Variants in NRL observed in about 807,000 individuals in gnomAD.
NRL encodes neural retina leucine zipper.
Under a neutral mutation model 12.5 loss-of-function variants are expected in NRL, and 16 were observed. The observed-to-expected ratio is 1.28, with a 90% CI of 0.87 to 1.95. NRL has a LOEUF of 1.95. Ranked by LOEUF, NRL falls within the 30% of genes most tolerant of loss-of-function variation. The pLI, the probability that NRL is intolerant of heterozygous loss-of-function variation, is 0.00. For missense variants in NRL, 314 were observed against 325.8 expected, an observed-to-expected ratio of 0.96 and a Z score of 0.28; for synonymous variants, 142 against 150.9, an observed-to-expected ratio of 0.94 and a Z score of 0.43.
rs750958554 is a variant in NRL at position 24,094,094 on chromosome 14, G to C, written c.-27-11219C>G. On this transcript the variant is annotated intron_variant, in intron 1 of 2. Coordinates refer to ENST00000561028, the MANE Select transcript of NRL (RefSeq NM_001354768.3). The surrounding 1 kb of genome is among the most constrained non-coding windows in gnomAD (Gnocchi z 4.1). Reference sequence around the variant, plus strand: ...ATGGGGGGCGGGGCCTCGAAGTCGGGGGCCGAAGAGTGGACCCAGTCCTCC... The same window carrying C: ...ATGGGGGGCGGGGCCTCGAAGTCGGCGGCCGAAGAGTGGACCCAGTCCTCC... 75 of 534,290 alleles carry C rather than the reference G, an allele frequency of 1.4e-4. No homozygotes were observed. The highest frequency in any genetic ancestry group is 1.2e-3 in the African/African-American group (58 of 49,522). The allele number at this position is 534,290 out of a possible 1,614,324, so 33.1% of individuals were successfully genotyped here.
chr14:24,087,108 G>T (rs921040242), intron 1 of NRL, among the ~76,000 whole-genome samples: 1 of 152,220 alleles, frequency 6.6e-6, no homozygotes, highest in Non-Finnish European at 1.5e-5. Flanking sequence ...AGTAGGTGTA[G>T]ATGTGAGATA....
chr14:24,088,299 G>A (rs1400627568), intron 1 of NRL, among the ~76,000 whole-genome samples: 1 of 152,248 alleles, frequency 6.6e-6, no homozygotes, highest in Admixed American at 6.5e-5. Flanking sequence ...TGGGCCACAT[G>A]ACTGGTTCAC....
chr14:24,093,635 C>A (rs1304221101), intron 1 of NRL: 1 of 153,662 alleles, frequency 6.5e-6, no homozygotes, highest in African/African-American at 2.4e-5. Context: ...GCCGAGATCG[C>A]GCCACTGCAC....
intron 1 of NRL, among the ~76,000 whole-genome samples, chr14:24,113,803 G>A (rs1019118643): frequency 1.3e-5 from 2 of 152,248 alleles, no homozygotes; most frequent in Non-Finnish European, 2.9e-5. Flanking sequence ...GAGGGCCCAA[G>A]AAGGCCACGA....
At chr14:24,098,907 A>T in intron 1 of NRL, 2 of 746,618 alleles carry the variant, frequency 2.7e-6, no homozygotes, top group Admixed American at 2.2e-5. Flanking sequence ...GCTGATGGTT[A>T]TTATGAGGTG....
chr14:24,095,234 CACTT>C (rs760990386), intron 1 of NRL: 13 of 455,950 alleles, frequency 2.9e-5, no homozygotes, highest in South Asian at 2.0e-4. Flanking sequence ...GGAAACGTCC[CACTT>C]AGAGGGCTGC....
At position 24,094,453 on chromosome 14, in the gene NRL, G is replaced by A. The variant is rs752030132; in HGVS notation, c.-27-11578C>T. 16 of 1,530,666 alleles carry A rather than the reference G, an allele frequency of 1.0e-5. No homozygotes were observed. Among genetic ancestry groups the A allele is most frequent in the East Asian group, 2.5e-5 (1 of 40,160 alleles). The allele number at this position is 1,530,666 out of a possible 1,614,324, so 94.8% of individuals were successfully genotyped here. On this transcript the variant is annotated intron_variant, in intron 1 of 2. Transcript: ENST00000561028. This position sits in a 1 kb window ranked among gnomAD's most constrained non-coding sequence, Gnocchi z 4.1. ...GCCTGCGGTGAGTGACCCCCGGCCCGGGGCCCACCCGCACCTTCCGCTGCG... is the reference window on the plus strand; with the variant it reads ...GCCTGCGGTGAGTGACCCCCGGCCCAGGGCCCACCCGCACCTTCCGCTGCG...
chr14:24,097,114 AAAGCTCCCC>A (rs766383775), intron 1 of NRL: 1 of 1,613,902 alleles, frequency 6.2e-7, no homozygotes, highest in East Asian at 2.2e-5. Flanking sequence ...GCCTCATCCG[AAAGCTCCCC>A]AAGTACAATA....
intron 1 of NRL, among the ~76,000 whole-genome samples, chr14:24,109,586 TA>T (rs1377020417): frequency 1.3e-5 from 2 of 151,362 alleles, no homozygotes; most frequent in African/African-American, 4.9e-5. Flanking sequence ...TAGTCCCAGG[TA>T]CTCGGGAGGC....
chr14:24,102,693 T>G, intron 1 of NRL: 1 of 1,432,620 alleles, frequency 7.0e-7, no homozygotes, highest in Non-Finnish European at 9.7e-7. Context: ...TGCCCATGTA[T>G]GTGTGTGTTG....
chr14:24,088,943 G>A (rs1393433465), intron 1 of NRL, among the ~76,000 whole-genome samples: 1 of 151,654 alleles, frequency 6.6e-6, no homozygotes, highest in Non-Finnish European at 1.5e-5. Context: ...TGGAACTACA[G>A]GCACCCGCCA....
rs767232536 is a variant in NRL at position 24,099,190 on chromosome 14, C to T, written c.-28+15532G>A. On this transcript the variant is annotated intron_variant, in intron 1 of 2. Transcript: ENST00000561028. ...AAGAAGTGCTTTGCCCTACGCATCG[C>T]CTCTCGGCTGGCCCGGGATGAGGGC... 29 of 1,605,480 alleles carry T rather than the reference C, an allele frequency of 1.8e-5. No individual in the cohort carries two copies. The East Asian group carries it at 6.5e-4, about 36-fold the overall frequency.
At chr14:24,102,757 C>T (rs374717926) in intron 1 of NRL, 1 of 1,612,926 alleles carries the variant, frequency 6.2e-7, no homozygotes, top group Middle Eastern at 1.6e-4. Context: ...TGCCAGGTGA[C>T]AAGGAGCCCT....
intron 1 of NRL, among the ~76,000 whole-genome samples, chr14:24,092,958 C>T (rs1449115909): frequency 6.6e-6 from 1 of 152,220 alleles, no homozygotes; most frequent in Non-Finnish European, 1.5e-5. Context: ...TTATATTCTA[C>T]CAGCTCAGCA....
intron 1 of NRL, chr14:24,100,597 G>C: frequency 9.3e-7 from 1 of 1,076,682 alleles, no homozygotes; most frequent in Non-Finnish European, 1.1e-6. Context: ...AAAGGAAAAG[G>C]AAGGACTTTT....
chr14:24,103,040 G>A (rs2037227314), intron 1 of NRL: 2 of 1,196,918 alleles, frequency 1.7e-6, no homozygotes, highest in South Asian at 2.6e-5. Context: ...GGAGGCAAAG[G>A]GTCTGAAAAT....
chr14:24,114,847 C>A lies in NRL; in HGVS notation c.-153G>T. The A allele has an allele frequency of 1.0e-6, 1 of 985,968 alleles. No homozygotes were observed. Among genetic ancestry groups the A allele is most frequent in the Non-Finnish European group, 1.2e-6 (1 of 829,962 alleles). The allele number at this position is 985,968 out of a possible 1,614,324, so 61.1% of individuals were successfully genotyped here. A position where few individuals can be genotyped will look rare whatever the true frequency, so the allele number is the denominator to read the frequency against. ...ACGAGCGAAGCGCGTGACGGAGGAG[C>A]GGTTGGCCAACGCAGTGGCGGCAGT... On this transcript the variant is annotated 5_prime_UTR_variant, in exon 1 of 3. Transcript: ENST00000561028.
Position 24,094,790 on chromosome 14 carries a change from G to C in NRL, c.-27-11915C>G, listed in dbSNP as rs753977292. On this transcript the variant is annotated intron_variant, in intron 1 of 2. Transcript: ENST00000561028. The surrounding 1 kb of genome is among the most constrained non-coding windows in gnomAD (Gnocchi z 4.1). ...GATACCTCCCTCGGACCTCTAACGG[G>C]CTCTCAGCCAGCGCCCCAGGGTACT... 8.0e-6 allele frequency: 11 copies of C among 1,373,970 alleles called. No homozygotes were observed. The East Asian group carries it at 2.8e-4, about 35-fold the overall frequency. The allele number at this position is 1,373,970 out of a possible 1,614,324, so 85.1% of individuals were successfully genotyped here.
rs1028373834 is a variant in NRL, at chr14:24,108,463, G to A, written c.-28+6259C>T. On this transcript the variant is annotated intron_variant, in intron 1 of 2. Transcript: ENST00000561028. ...AATGATCCTCTTGCCTCAGCCTCCC[G>A]AGTAGCTACAGGTGTAAGCCACCAC... Among the ~76,000 whole-genome samples, 8 of 151,684 alleles carry A rather than the reference G, an allele frequency of 5.3e-5. No homozygotes were observed. The East Asian group carries it at 9.7e-4, about 18-fold the overall frequency.
Sources: gnomAD v4.1 joint callset for allele counts (sites outside exome capture counted in the v4.1 genomes callset) on GRCh38, gnomAD v4.1.1 for gene constraint, Gnocchi (gnomAD v3.1) non-coding constraint, MANE v1.5 for transcripts, NCBI Gene and HGNC (gene_info 2026-07-23, HGNC 2026-07-21) for gene names.